The following PRKCB variants were observed in gnomAD, a reference collection of about 807,000 sequenced individuals.
PRKCB encodes the protein protein kinase C beta type.
PRKCB carries 13 observed loss-of-function variants against 81.5 expected under a neutral mutation model. The ratio of observed to expected loss-of-function variants is 0.16; its 90% CI spans 0.10 to 0.25. PRKCB has a LOEUF of 0.25. Ranked by LOEUF, PRKCB falls within the 10% of genes least tolerant of loss-of-function variation. The pLI is 1.00. For missense variants in PRKCB, 509 were observed against 875.7 expected (o/e 0.58, Z 5.29); for synonymous variants, 335 against 321.4 (o/e 1.04, Z -0.45).
intron 2 of PRKCB, among the ~76,000 whole-genome samples, chr16:23,981,608 T>TC (rs1488903225): frequency 1.7e-4 from 25 of 147,000 alleles, no homozygotes; most frequent in East Asian, 4.0e-4. Context: ...CCCTTCCCTT[T>TC]CCTTTCCCTT....
chr16:23,836,932 C>T (rs947778457), intron 1 of PRKCB, among the ~76,000 whole-genome samples: 2 of 151,898 alleles, frequency 1.3e-5, no homozygotes, highest in African/African-American at 4.8e-5. Context: ...ACTGCGGGCC[C>T]CTTTCTTCCC....
At chr16:24,078,520 T>A (rs1483888775) in intron 5 of PRKCB, among the ~76,000 whole-genome samples, 1 of 151,978 alleles carries the variant, frequency 6.6e-6, no homozygotes, top group Non-Finnish European at 1.5e-5. Context: ...GGGGAACAGA[T>A]GTTTATGGGG....
intron 2 of PRKCB, among the ~76,000 whole-genome samples, chr16:23,947,136 G>C (rs1381055869): frequency 6.6e-6 from 1 of 152,158 alleles, no homozygotes; most frequent in African/African-American, 2.4e-5. Flanking sequence ...CATTACAGGC[G>C]TGAGCCACCA....
At chr16:23,852,216 T>C (rs1429084128) in intron 2 of PRKCB, among the ~76,000 whole-genome samples, 3 of 152,212 alleles carry the variant, frequency 2.0e-5, no homozygotes, top group African/African-American at 7.2e-5. Flanking sequence ...AACTTTTCAG[T>C]GCTGAGAAGG....
chr16:24,108,108 C>A (rs1966600942), intron 7 of PRKCB, among the ~76,000 whole-genome samples: 1 of 151,900 alleles, frequency 6.6e-6, no homozygotes, highest in Non-Finnish European at 1.5e-5. Context: ...TAGTAAGCAA[C>A]ACCATCTACT....
chr16:24,013,843 A>G (rs1383065625), intron 3 of PRKCB, among the ~76,000 whole-genome samples: 1 of 151,198 alleles, frequency 6.6e-6, no homozygotes, highest in Non-Finnish European at 1.5e-5. Flanking sequence ...TTCCTCAGTT[A>G]GGGCCCTTGT....
chr16:24,131,878 G>A (rs1198502731), intron 9 of PRKCB, among the ~76,000 whole-genome samples: 1 of 152,108 alleles, frequency 6.6e-6, no homozygotes, highest in Admixed American at 6.5e-5. Context: ...GAGGTGATTT[G>A]GCAGCTCGAT....
chr16:24,190,888 T>C (rs1221173866), intron 15 of PRKCB, among the ~76,000 whole-genome samples: 2 of 152,190 alleles, frequency 1.3e-5, no homozygotes, highest in African/African-American at 2.4e-5. Context: ...TAACAGATGA[T>C]TGGCAGTGGG....
At chr16:24,037,091 C>T (rs1017178064) in intron 5 of PRKCB, among the ~76,000 whole-genome samples, 5 of 152,146 alleles carry the variant, frequency 3.3e-5, no homozygotes, top group East Asian at 1.9e-4. Context: ...CGGGTTCAAG[C>T]GATTCTCCTG....
chr16:24,099,205 T>A (rs1251414573), intron 7 of PRKCB: 1 of 152,204 alleles, frequency 6.6e-6, no homozygotes, highest in African/African-American at 2.4e-5. Flanking sequence ...ACTGATCAGG[T>A]GTGCAGAAAA....
At chr16:24,042,699 T>A (rs1321435497) in intron 5 of PRKCB, among the ~76,000 whole-genome samples, 3 of 152,068 alleles carry the variant, frequency 2.0e-5, no homozygotes, top group Non-Finnish European at 2.9e-5. Context: ...TCTTTTTTTT[T>A]TTTAACTTTT....
chr16:24,137,543 A>T (rs957118518), intron 9 of PRKCB, among the ~76,000 whole-genome samples: 5 of 152,172 alleles, frequency 3.3e-5, no homozygotes, highest in African/African-American at 1.2e-4. Context: ...CGCAAAGATA[A>T]ATCAAGTCCT....
chr16:23,865,598 AAT>A (rs1250525924), intron 2 of PRKCB, among the ~76,000 whole-genome samples: 2 of 100,098 alleles, frequency 2.0e-5, no homozygotes, highest in East Asian at 2.5e-4. Context: ...TTTATATATA[AAT>A]ATATATCTAT....
At chr16:23,929,073 G>C (rs1597250038) in intron 2 of PRKCB, among the ~76,000 whole-genome samples, 1 of 152,032 alleles carries the variant, frequency 6.6e-6, no homozygotes, top group African/African-American at 2.4e-5. Context: ...TTGTAATGGA[G>C]TTTTGGAGAT....
Position 24,219,522 on chromosome 16 carries a change from G to A in PRKCB, c.*4706G>A, listed in dbSNP as rs1304624097. 3 of 988,184 alleles carry A rather than the reference G, an allele frequency of 3.0e-6. No homozygotes were observed. Among genetic ancestry groups the A allele is most frequent in the Non-Finnish European group, 3.6e-6 (3 of 831,926 alleles). The allele number at this position is 988,184 out of a possible 1,614,324, so 61.2% of individuals were successfully genotyped here. ...GCAGTTCACCTTTTCAGAGAAAGAG[G>A]TCTTCTAGCCACCTGGGCTGCTACT... On this transcript the variant is annotated 3_prime_UTR_variant, in exon 17 of 17. Transcript: ENST00000643927.
Position 23,921,434 on chromosome 16 carries a change from G to A in PRKCB, c.206-67074G>A, listed in dbSNP as rs556134819. Among the ~76,000 whole-genome samples the A allele has an allele frequency of 4.6e-5, 7 of 152,208 alleles. No homozygotes were observed. The East Asian group carries it at 5.8e-4, about 13-fold the overall frequency. ...TAGTGCTTGTCCTTGAAGAGCTTTCGGTCTCGTGAGGAGACAGCCTGATCG... is the reference window on the plus strand; with the variant it reads ...TAGTGCTTGTCCTTGAAGAGCTTTCAGTCTCGTGAGGAGACAGCCTGATCG... On this transcript the variant is annotated intron_variant, in intron 2 of 16. Coordinates refer to ENST00000643927, the MANE Select transcript of PRKCB (RefSeq NM_002738.7).
intron 2 of PRKCB, among the ~76,000 whole-genome samples, chr16:23,882,254 C>A (rs1193099249): frequency 1.3e-5 from 2 of 150,836 alleles, no homozygotes; most frequent in Non-Finnish European, 1.5e-5. Context: ...TAATTTTTTT[C>A]TTGATTTTTA....
intron 7 of PRKCB, among the ~76,000 whole-genome samples, chr16:24,097,485 G>A (rs1432307486): frequency 1.3e-5 from 2 of 152,132 alleles, no homozygotes; most frequent in South Asian, 2.1e-4. Context: ...AAGGAATTAC[G>A]CAAATGACAA....
At chr16:23,903,053 A>G (rs1963507934) in intron 2 of PRKCB, among the ~76,000 whole-genome samples, 1 of 149,302 alleles carries the variant, frequency 6.7e-6, no homozygotes, top group African/African-American at 2.5e-5. Flanking sequence ...GCTGGTCTCA[A>G]ACTCCTGGCC....
Sources: allele counts gnomAD v4.1 joint callset (sites outside exome capture counted in the v4.1 genomes callset), GRCh38; gene constraint gnomAD v4.1.1; transcripts MANE v1.5; gene names NCBI Gene and HGNC (gene_info 2026-07-23, HGNC 2026-07-21).